RFX7: variants seen among roughly 807,000 people sequenced by gnomAD.
RFX7 encodes the protein regulatory factor X7.
A neutral mutation model predicts 111.8 loss-of-function variants in RFX7; 26 were observed. The ratio of observed to expected loss-of-function variants is 0.23; its 90% CI spans 0.17 to 0.32. The LOEUF (loss-of-function observed/expected upper bound fraction) is 0.32. Ranked by LOEUF, RFX7 falls within the 10% of genes least tolerant of loss-of-function variation. The pLI is 1.00. For synonymous variants in RFX7, 624 were observed against 624.4 expected, an observed-to-expected ratio of 1.00 and a Z score of 0.01; for missense variants, 1,573 against 1,772.9, an observed-to-expected ratio of 0.89 and a Z score of 2.02.
intron 2 of RFX7, among the ~76,000 whole-genome samples, chr15:56,190,597 G>T (rs1310536967): frequency 6.6e-6 from 1 of 152,052 alleles, no homozygotes; most frequent in African/African-American, 2.4e-5. Flanking sequence ...CCCTAATAAA[G>T]CAGTTCTTAA....
chr15:56,117,948 T>C (rs1197384403), intron 5 of RFX7, among the ~76,000 whole-genome samples: 10 of 152,166 alleles, frequency 6.6e-5, no homozygotes, highest in Admixed American at 5.2e-4. Flanking sequence ...AGGTGTCTCT[T>C]TGATATACAG....
chr15:56,118,344 C>G (rs1300421439), intron 5 of RFX7, among the ~76,000 whole-genome samples: 1 of 152,078 alleles, frequency 6.6e-6, no homozygotes, highest in Non-Finnish European at 1.5e-5. Context: ...ACTGTGCCCC[C>G]ACTACCCTTC....
intron 5 of RFX7, among the ~76,000 whole-genome samples, chr15:56,124,948 G>T (rs1477518886): frequency 6.6e-5 from 10 of 152,112 alleles, no homozygotes; most frequent in African/African-American, 2.4e-4. Context: ...CCAATGTCCT[G>T]AAGTCCCTAT....
chr15:56,106,912 A>G (rs1363898015), intron 5 of RFX7, among the ~76,000 whole-genome samples: 2 of 152,178 alleles, frequency 1.3e-5, no homozygotes, highest in Admixed American at 6.5e-5. Flanking sequence ...TACAGTGTCA[A>G]TTGACTCTTA....
At position 56,093,243 on chromosome 15, in the gene RFX7, T is replaced by C. The variant is rs2041619442; in HGVS notation, c.*102A>G. 1 of 1,070,190 alleles carries C rather than the reference T, an allele frequency of 9.3e-7. No homozygotes were observed. The highest frequency in any genetic ancestry group is 1.6e-5 in the African/African-American group (1 of 62,644). The allele number at this position is 1,070,190 out of a possible 1,614,324, so 66.3% of individuals were successfully genotyped here. On this transcript the variant is annotated 3_prime_UTR_variant, in exon 10 of 10. Transcript: ENST00000559447. ...ACTTCTGCAGCAAACGCTTTTAAAA[T>C]GTCACAATTAATAGTATTTCTGCTG...
Position 56,087,641 on chromosome 15 carries a change from A to G in RFX7, c.*5704T>C. On this transcript the variant is annotated 3_prime_UTR_variant, in exon 10 of 10. Transcript: ENST00000559447. ...ATGGCTGTGTGCTCAGCTAAAAATCAAGGACTTTTACAGTAAAGAAGAAGG... is the reference window on the plus strand; with the variant it reads ...ATGGCTGTGTGCTCAGCTAAAAATCGAGGACTTTTACAGTAAAGAAGAAGG... 1 of 443,488 alleles carries G rather than the reference A, an allele frequency of 2.3e-6. No homozygotes were observed. The highest frequency in any genetic ancestry group is 2.4e-5 in the Admixed American group (1 of 41,676). 27.5% of individuals were successfully genotyped at this position (443,488 alleles called of 1,614,324 possible). A position where few individuals can be genotyped will look rare whatever the true frequency, so the allele number is the denominator to read the frequency against.
chr15:56,125,733 T>C (rs778498970), intron 5 of RFX7, among the ~76,000 whole-genome samples: 48 of 152,132 alleles, frequency 3.2e-4, no homozygotes, highest in Non-Finnish European at 5.7e-4. Flanking sequence ...AAAAGCATGA[T>C]ATTTTTCCAT....
At chr15:56,109,015 A>G (rs2041868658) in intron 5 of RFX7, among the ~76,000 whole-genome samples, 1 of 139,746 alleles carries the variant, frequency 7.2e-6, no homozygotes, top group Admixed American at 7.3e-5. Context: ...AAGAACTACA[A>G]ACCTTCTCCC....
chr15:56,189,003 G>C (rs2043072467), intron 2 of RFX7, among the ~76,000 whole-genome samples: 1 of 152,112 alleles, frequency 6.6e-6, no homozygotes, highest in Non-Finnish European at 1.5e-5. Flanking sequence ...ATTTTTAGTA[G>C]AGATGGGGTT....
At chr15:56,153,899 T>C (rs1199932976) in intron 3 of RFX7, among the ~76,000 whole-genome samples, 1 of 152,200 alleles carries the variant, frequency 6.6e-6, no homozygotes, top group African/African-American at 2.4e-5. Context: ...AACCCCATCA[T>C]CTCAGCCCAA....
Position 56,093,283 on chromosome 15 carries a change from A to G in RFX7, c.*62T>C. 7.2e-7 allele frequency: 1 copy of G among 1,382,354 alleles called. No homozygotes were observed. 85.6% of individuals were successfully genotyped at this position (1,382,354 alleles called of 1,614,324 possible). On this transcript the variant is annotated 3_prime_UTR_variant, in exon 10 of 10. Coordinates refer to ENST00000559447, the MANE Select transcript of RFX7 (RefSeq NM_022841.7). ...TATTTCTGCTGCGGGAGGCACTTCCATTAAGACAAATACAATACATATGTC... is the reference window on the plus strand; with the variant it reads ...TATTTCTGCTGCGGGAGGCACTTCCGTTAAGACAAATACAATACATATGTC...
rs755398141 is a variant in RFX7, at chr15:56,095,741, T to C, written c.1987A>G (p.Thr663Ala). 7.4e-6 allele frequency: 12 copies of C among 1,613,876 alleles called. No individual in the cohort carries two copies. In the South Asian group the frequency reaches 1.2e-4, roughly 16 times the overall value. Residue 663 changes from threonine (T) to alanine (A), a missense_variant, in exon 10 of 10, where the codon ACA becomes GCA. Physicochemically the swap from Thr to Ala is moderately conservative, Grantham distance 58. This residue lies in a region of RFX7 where 625 missense variants were observed against 632.2 expected (regional missense o/e 0.99). Coordinates refer to ENST00000559447, the MANE Select transcript of RFX7 (RefSeq NM_022841.7). ...TKSPRKRLSS[T>A]LQETQVPPVK... ...GGAGGCACCTGGGTCTCCTGCAATGTAGAAGACAGTCGTTTTCTTGGGCTT... is the reference window on the plus strand; with the variant it reads ...GGAGGCACCTGGGTCTCCTGCAATGCAGAAGACAGTCGTTTTCTTGGGCTT...
At chr15:56,131,809 A>ATTAAAT (rs1206599878) in intron 5 of RFX7, among the ~76,000 whole-genome samples, 2 of 152,242 alleles carry the variant, frequency 1.3e-5, no homozygotes, top group Non-Finnish European at 2.9e-5. Context: ...GTAATAACAA[A>ATTAAAT]GTAAAGACAA....
chr15:56,134,544 T>G (rs537964761), intron 5 of RFX7, among the ~76,000 whole-genome samples: 11 of 151,618 alleles, frequency 7.3e-5, no homozygotes, highest in Admixed American at 4.6e-4. Flanking sequence ...TTATAAAAAC[T>G]CTCCCTTACC....
chr15:56,198,662 T>C (rs1314984264), intron 2 of RFX7, among the ~76,000 whole-genome samples: 1 of 152,152 alleles, frequency 6.6e-6, no homozygotes, highest in African/African-American at 2.4e-5. Flanking sequence ...GTTTGAGAGA[T>C]ATCCACCAGT....
chr15:56,112,682 C>T lies in RFX7; in HGVS notation c.402-9012G>A, dbSNP rs117493222. Among the ~76,000 whole-genome samples, 879 of 152,196 alleles carry T rather than the reference C, an allele frequency of 5.8e-3. 25 individuals are homozygous for T. In the East Asian group the frequency reaches 0.06, roughly 10 times the overall value. On this transcript the variant is annotated intron_variant, in intron 5 of 9. Coordinates refer to ENST00000559447, the MANE Select transcript of RFX7 (RefSeq NM_022841.7). ...GATCTAGTTAAACTAAAGAGCTGCA[C>T]AGCAAAAGAAACTATCATCAGAGCG...
chr15:56,129,539 C>T (rs767206482), intron 5 of RFX7, among the ~76,000 whole-genome samples: 10 of 152,080 alleles, frequency 6.6e-5, no homozygotes, highest in Non-Finnish European at 1.5e-4. Context: ...AACTGTTGAA[C>T]CTATGTGAAG....
At chr15:56,161,409 A>C (rs1465236400) in intron 3 of RFX7, among the ~76,000 whole-genome samples, 1 of 152,102 alleles carries the variant, frequency 6.6e-6, no homozygotes, top group African/African-American at 2.4e-5. Flanking sequence ...TACTAAGTAG[A>C]TTCTGTGCTT....
chr15:56,196,836 T>C (rs1021262867), intron 2 of RFX7, among the ~76,000 whole-genome samples: 2 of 152,230 alleles, frequency 1.3e-5, no homozygotes, highest in South Asian at 4.1e-4. Flanking sequence ...AGCTCTGTAC[T>C]GTAACATACA....
Sources: allele counts gnomAD v4.1 joint callset (sites outside exome capture counted in the v4.1 genomes callset), GRCh38; gene constraint gnomAD v4.1.1; regional missense constraint gnomAD v4.1.1; transcripts MANE v1.5; gene names NCBI Gene and HGNC (gene_info 2026-07-23, HGNC 2026-07-21).